The following DDX56 variants were observed in gnomAD, a reference collection of about 807,000 sequenced individuals.
DDX56 encodes the protein probable ATP-dependent RNA helicase DDX56.
In DDX56, 45 loss-of-function variants were observed where a neutral mutation model predicts 61.5. The observed-to-expected ratio is 0.73, with a 90% CI of 0.58 to 0.94. The LOEUF (loss-of-function observed/expected upper bound fraction) is 0.94. Among genes scored for constraint, DDX56 ranks in the 40% least tolerant of loss-of-function variants. DDX56 has a pLI of 0.00. For synonymous variants in DDX56, 273 were observed against 268.3 expected, an observed-to-expected ratio of 1.02 and a Z score of -0.17; for missense variants, 708 against 690.7, an observed-to-expected ratio of 1.02 and a Z score of -0.28.
At chr7:44,567,388 T>C (rs1161952640) in intron 12 of DDX56, among the ~76,000 whole-genome samples, 2 of 152,090 alleles carry the variant, frequency 1.3e-5, no homozygotes, top group East Asian at 3.9e-4. Context: ...GCCCACAGCC[T>C]CCTCTCCACC....
chr7:44,573,631 C>T lies in DDX56; in HGVS notation c.174G>A (p.Thr58=), dbSNP rs374815007. The part of the protein sequence containing the change: ...LARARTGSGK[T]AAYAIPMLQL... Reference sequence around the variant, plus strand: ...GCAGCATCGGAATAGCATAAGCGGCCGTCTTCCCGGAGCCCGTGCGGGCCC... The same window carrying T: ...GCAGCATCGGAATAGCATAAGCGGCTGTCTTCCCGGAGCCCGTGCGGGCCC... Residue 58 remains threonine (T), a synonymous_variant, in exon 2 of 14, where the codon ACG becomes ACA. Coordinates refer to ENST00000258772, the MANE Select transcript of DDX56 (RefSeq NM_019082.4). 1 of 1,613,712 alleles carries T rather than the reference C, an allele frequency of 6.2e-7. No homozygotes were observed. The highest frequency in any genetic ancestry group is 1.3e-5 in the African/African-American group (1 of 74,956).
Position 44,569,213 on chromosome 7 carries a change from A to C in DDX56, c.1220-10T>G. On this transcript the variant is annotated splice_polypyrimidine_tract_variant and intron_variant, in intron 9 of 13. Transcript: ENST00000258772. ...ATGGGGCCCCTGTTCTCTGTGGAGA[A>C]GAAAGCAGCGAGGGTCCCACAGGCT... 1.2e-6 allele frequency: 2 copies of C among 1,613,220 alleles called. No individual in the cohort carries two copies. Among genetic ancestry groups the C allele is most frequent in the Non-Finnish European group, 1.7e-6 (2 of 1,179,832 alleles).
rs775752607 is a variant in DDX56 at position 44,570,785 on chromosome 7, C to G, written c.983G>C (p.Arg328Pro). ...GTCCCCTTTGGGCCCTCGGCCCCGACGCTTGCCCTTGACTGGGGCCCCCAG... is the reference window on the plus strand; with the variant it reads ...GTCCCCTTTGGGCCCTCGGCCCCGAGGCTTGCCCTTGACTGGGGCCCCCAG... ...EVLGAPVKGKRRGRGPKGDKA... is the reference protein window; with the variant it reads ...EVLGAPVKGKPRGRGPKGDKA... Residue 328 changes from arginine (R) to proline (P), a missense_variant, in exon 7 of 14, where the codon CGT becomes CCT. Coordinates refer to ENST00000258772, the MANE Select transcript of DDX56 (RefSeq NM_019082.4). 1 of 1,613,594 alleles carries G rather than the reference C, an allele frequency of 6.2e-7. No individual in the cohort carries two copies. Among genetic ancestry groups the G allele is most frequent in the South Asian group, 1.1e-5 (1 of 91,078 alleles).
intron 9 of DDX56, 41 bp from the exon 10 acceptor site, chr7:44,569,244 C>T (rs1460918555): frequency 6.3e-7 from 1 of 1,589,876 alleles, no homozygotes; most frequent in East Asian, 2.2e-5. Flanking sequence ...AGGCTGAGGC[C>T]TTAGGATAGG....
In DDX56 at chr7:44,572,328, C is replaced by T. The variant is rs750886609; in HGVS notation, c.645+19G>A. The stretch of plus-strand genomic sequence containing the variant: ...GCCCCCATGTCTGCAGCTCCAGACA[C>T]TTCCATGGTGCCTCTTACCGGGTTA... On this transcript the variant is annotated intron_variant, in intron 5 of 13. Transcript: ENST00000258772. The T allele has an allele frequency of 1.9e-5, 31 of 1,607,384 alleles. No individual in the cohort carries two copies. The South Asian group carries it at 2.8e-4, about 14-fold the overall frequency.
chr7:44,566,264 G>A (rs1283289476), intron 13 of DDX56, 184 bp downstream of exon 13: 11 of 704,562 alleles, frequency 1.6e-5, no homozygotes, highest in African/African-American at 3.6e-5. Context: ...GCCTGCAGGC[G>A]GCTGCAAAAG....
At chr7:44,567,349 G>C (rs79064806) in intron 12 of DDX56, among the ~76,000 whole-genome samples, 11,050 of 152,228 alleles carry the variant, frequency 0.073, 505 homozygotes, top group East Asian at 0.12. Flanking sequence ...AGCAGACCCT[G>C]TGGCATTGGG....
rs116370112 is a variant in DDX56 at position 44,565,918 on chromosome 7, A to C, written c.*84T>G. ...CCAGAACTGTCTGTTCAGGCTGTGC[A>C]GTAAGCACCAGAGCCTCGCCTGTCC... is the stretch of plus-strand genomic sequence containing the variant. On this transcript the variant is annotated 3_prime_UTR_variant, in exon 14 of 14. Transcript: ENST00000258772. 1.1e-3 allele frequency: 1,176 copies of C among 1,062,834 alleles called. 9 individuals are homozygous for C. The African/African-American group carries it at 0.016, about 15-fold the overall frequency. 65.8% of individuals were successfully genotyped at this position (1,062,834 alleles called of 1,614,324 possible).
intron 5 of DDX56, 127 bp downstream of exon 5, chr7:44,572,220 A>T (rs1397960509): frequency 9.6e-6 from 7 of 732,356 alleles, no homozygotes; most frequent in Non-Finnish European, 1.6e-5. Context: ...GTGCCTCAGG[A>T]CCAGGGATGA....
chr7:44,572,427 G>A lies in DDX56; in HGVS notation c.565C>T (p.Arg189Trp), dbSNP rs62459150. 85 of 1,614,028 alleles carry A rather than the reference G, an allele frequency of 5.3e-5. No individual in the cohort carries two copies. Among genetic ancestry groups the A allele is most frequent in the African/African-American group, 5.1e-4 (38 of 75,030 alleles). ...ELKSLLCHLPRIYQAFLMSAT... is the reference protein window; with the variant it reads ...ELKSLLCHLPWIYQAFLMSAT... ...GACATGAGAAAAGCCTGGTAAATCCGGGGCAAGTGACTGAAATGAAAGAAT... is the reference window on the plus strand; with the variant it reads ...GACATGAGAAAAGCCTGGTAAATCCAGGGCAAGTGACTGAAATGAAAGAAT... The change falls in exon 5 of 14, where the codon CGG becomes TGG. Residue 189 changes from arginine (R) to tryptophan (W), a missense_variant. By Grantham distance (101) the Arg-to-Trp change is moderately radical. Coordinates refer to ENST00000258772, the MANE Select transcript of DDX56 (RefSeq NM_019082.4).
At chr7:44,568,831 T>C in intron 11 of DDX56, 72 bp downstream of exon 11, 1 of 1,306,410 alleles carries the variant, frequency 7.7e-7, no homozygotes, top group Non-Finnish European at 1.1e-6. Context: ...TTCTCACCAC[T>C]CGGAGCTCAG....
intron 10 of DDX56, 21 bp from the exon 11 acceptor site, chr7:44,569,013 T>C (rs1299852734): frequency 1.2e-6 from 2 of 1,613,546 alleles, no homozygotes; most frequent in South Asian, 1.1e-5. Context: ...ACACTGAAGG[T>C]CAAGACAGTG....
chr7:44,572,448 A>C lies in DDX56; in HGVS notation c.555-11T>G. The C allele has an allele frequency of 6.2e-7, 1 of 1,614,076 alleles. No homozygotes were observed. Among genetic ancestry groups the C allele is most frequent in the Non-Finnish European group, 8.5e-7 (1 of 1,179,958 alleles). ...ATCCGGGGCAAGTGACTGAAATGAA[A>C]GAATCCAATCAGATTCCAGCTCCAA... On this transcript the variant is annotated splice_polypyrimidine_tract_variant and intron_variant, in intron 4 of 13. Coordinates refer to ENST00000258772, the MANE Select transcript of DDX56 (RefSeq NM_019082.4).
chr7:44,568,240 G>C lies in DDX56; in HGVS notation c.1384-17C>G. On this transcript the variant is annotated splice_polypyrimidine_tract_variant and intron_variant, in intron 11 of 13. Coordinates refer to ENST00000258772, the MANE Select transcript of DDX56 (RefSeq NM_019082.4). ...AAAGTATGTCTGCCGGGGGAAGAGG[G>C]AGAGCCACAGAGTGAGCATCTTTCT... The C allele has an allele frequency of 6.4e-7, 1 of 1,555,920 alleles. No individual in the cohort carries two copies. Among genetic ancestry groups the C allele is most frequent in the Non-Finnish European group, 8.8e-7 (1 of 1,134,580 alleles).
At chr7:44,572,799 C>T (rs1802711385) in intron 3 of DDX56, 55 bp from the exon 4 acceptor site, 7 of 1,607,428 alleles carry the variant, frequency 4.4e-6, no homozygotes, top group Non-Finnish European at 6.0e-6. Context: ...GGGATCTCAC[C>T]CTGGATTTGC....
In DDX56 at chr7:44,568,983, G is replaced by A. The variant is rs763386471; in HGVS notation, c.1303C>T (p.Arg435Cys). 1.1e-5 allele frequency: 18 copies of A among 1,613,966 alleles called. No homozygotes were observed. The highest frequency in any genetic ancestry group is 7.7e-5 in the South Asian group (7 of 91,088). Residue 435 changes from arginine (R) to cysteine (C), a missense_variant, in exon 11 of 14, where the codon CGC becomes TGC. Transcript: ENST00000258772. ...GFRYRCRDAM[R>C]SVTKQAIREA... The stretch of plus-strand genomic sequence containing the variant: ...CGAATGGCCTGCTTAGTCACTGAGC[G>A]CATGGCATCCTGGGGGTGGACACTG...
chr7:44,571,599 A>T lies in DDX56; in HGVS notation c.783T>A (p.Ser261=). ...LLKLSLIRGK[S]LLFVNTLERS... The stretch of plus-strand genomic sequence containing the variant: ...GTTCTAGAGTGTTGACAAAGAGCAG[A>T]GACTTGCCCCGAATCAATGACAGCT... Residue 261 remains serine, a synonymous_variant, in exon 6 of 14, where the codon TCT becomes TCA. Transcript: ENST00000258772. 6.2e-7 allele frequency: 1 copy of T among 1,614,172 alleles called. No individual in the cohort carries two copies.
intron 12 of DDX56, 130 bp from the exon 13 acceptor site, chr7:44,566,654 C>A (rs959927207): frequency 1.9e-5 from 12 of 624,572 alleles, no homozygotes; most frequent in Middle Eastern, 8.9e-4. Flanking sequence ...TATTCACTAC[C>A]ACATCTGCAC....
At position 44,572,630 on chromosome 7, in the gene DDX56, G is replaced by A. The variant is rs2289057; in HGVS notation, c.498C>T (p.Asp166=). The A allele has an allele frequency of 0.05, 80,862 of 1,613,996 alleles. 4,954 individuals are homozygous for A. Among genetic ancestry groups the A allele is most frequent in the East Asian group, 0.27 (12,172 of 44,870 alleles). Residue 166 remains aspartate (D), a synonymous_variant, in exon 4 of 14, where the codon GAC becomes GAT. Coordinates refer to ENST00000258772, the MANE Select transcript of DDX56 (RefSeq NM_019082.4). The part of the protein sequence containing the change: ...LRDSLELLVV[D]EADLLFSFGF... ...CAAAGGAAAAAAGAAGGTCAGCTTC[G>A]TCCACCACCAAAAGCTCCAGGGAGT...
Sources: gnomAD v4.1 joint callset for allele counts (sites outside exome capture counted in the v4.1 genomes callset) on GRCh38, gnomAD v4.1.1 for gene constraint, MANE v1.5 for transcripts, NCBI Gene and HGNC (gene_info 2026-07-23, HGNC 2026-07-21) for gene names.